The following GDAP1 variants were observed in gnomAD, a reference collection of about 807,000 sequenced individuals.
The protein encoded by GDAP1 is ganglioside-induced differentiation-associated protein 1.
A neutral mutation model predicts 40.1 loss-of-function variants in GDAP1; 34 were observed. The observed-to-expected ratio is 0.85, with a 90% confidence interval of 0.64 to 1.13. The LOEUF (loss-of-function observed/expected upper bound fraction) is 1.13, where lower values mean the gene tolerates loss of function less well. Among genes scored for constraint, GDAP1 ranks in the 50% most tolerant of loss-of-function variants. The pLI is 0.00. For synonymous variants in GDAP1, 170 were observed against 157.4 expected (o/e 1.08, Z -0.60); for missense variants, 374 against 433.7 (o/e 0.86, Z 1.22).
At chr8:74,374,123 G>T (rs1421457172) in intron 2 of GDAP1, among the ~76,000 whole-genome samples, 2 of 152,138 alleles carry the variant, frequency 1.3e-5, no homozygotes, top group Non-Finnish European at 2.9e-5. Context: ...GATCATGGTG[G>T]ATAAGCTTTT....
chr8:74,397,004 C>G (rs986915349), intron 2 of GDAP1, among the ~76,000 whole-genome samples: 12 of 152,170 alleles, frequency 7.9e-5, no homozygotes, highest in African/African-American at 2.7e-4. Context: ...TCTCCACATC[C>G]TCTCTAGCAC....
chr8:74,460,314 G>A (rs1806385535), intron 2 of GDAP1, among the ~76,000 whole-genome samples: 1 of 152,164 alleles, frequency 6.6e-6, no homozygotes, highest in Admixed American at 6.5e-5. Flanking sequence ...TCAATGAGAA[G>A]GGAATGTTCC....
At chr8:74,434,292 C>A (rs1806062324) in intron 2 of GDAP1, among the ~76,000 whole-genome samples, 1 of 152,184 alleles carries the variant, frequency 6.6e-6, no homozygotes, top group African/African-American at 2.4e-5. Context: ...GTGATCATTT[C>A]ATTATTCCTC....
intron 2 of GDAP1, among the ~76,000 whole-genome samples, chr8:74,385,971 C>T (rs1273292995): frequency 2.0e-5 from 3 of 152,118 alleles, no homozygotes; most frequent in African/African-American, 7.2e-5. Context: ...TGTTTATTGG[C>T]CGCATAAATG....
chr8:74,429,993 G>C (rs2131564322), intron 2 of GDAP1, among the ~76,000 whole-genome samples: 1 of 152,192 alleles, frequency 6.6e-6, no homozygotes, highest in Non-Finnish European at 1.5e-5. Context: ...TCCCAAAACA[G>C]GGAAGAGCAA....
chr8:74,380,651 G>A (rs1046464946), intron 2 of GDAP1, among the ~76,000 whole-genome samples: 5 of 152,038 alleles, frequency 3.3e-5, no homozygotes, highest in Non-Finnish European at 7.4e-5. Flanking sequence ...TAATCATTCC[G>A]TGAGTTTTTT....
At chr8:74,471,919 CTTAA>C (rs1020704398) in intron 2 of GDAP1, among the ~76,000 whole-genome samples, 1 of 152,094 alleles carries the variant, frequency 6.6e-6, no homozygotes, top group African/African-American at 2.4e-5. Flanking sequence ...TGTCCATTCA[CTTAA>C]TTAAATTAAT....
chr8:74,422,675 GAAGAA>G (rs1247684075), intron 2 of GDAP1, among the ~76,000 whole-genome samples: 1 of 151,844 alleles, frequency 6.6e-6, no homozygotes, highest in Non-Finnish European at 1.5e-5. Flanking sequence ...TCGAGACATT[GAAGAA>G]AAGAGGCCTT....
chr8:74,480,107 G>A (rs1439560125), intron 2 of GDAP1, among the ~76,000 whole-genome samples: 2 of 150,400 alleles, frequency 1.3e-5, no homozygotes, highest in East Asian at 3.9e-4. Context: ...TCCTGCTTTA[G>A]CCTCCCGAGT....
In GDAP1 at chr8:74,402,238, C is replaced by A. The variant is rs190935182; in HGVS notation, c.165+50917C>A. On this transcript the variant is annotated intron_variant, in intron 2 of 2. Coordinates refer to the GDAP1 transcript ENST00000523640. ...GGAGCTTCCCGGCTGCTTTGTTTAC[C>A]TAAGCAAGCCTGGGCAATGGCGGGC... Among the ~76,000 whole-genome samples, 671 of 150,652 alleles carry A rather than the reference C, an allele frequency of 4.5e-3. 75 individuals carry two copies. Among genetic ancestry groups the A allele is most frequent in the African/African-American group, 0.015 (591 of 39,924 alleles).
intron 2 of GDAP1, among the ~76,000 whole-genome samples, chr8:74,377,311 A>G (rs1362135533): frequency 6.6e-6 from 1 of 152,208 alleles, no homozygotes; most frequent in Non-Finnish European, 1.5e-5. Flanking sequence ...AAGGATGTAT[A>G]GTCGAAATAT....
chr8:74,469,216 C>G (rs1370851470), intron 2 of GDAP1, among the ~76,000 whole-genome samples: 1 of 151,978 alleles, frequency 6.6e-6, no homozygotes. Context: ...GAAGATTGGT[C>G]TGTAGTTTTT....
intron 2 of GDAP1, among the ~76,000 whole-genome samples, chr8:74,392,835 A>G (rs1810133437): frequency 6.6e-6 from 1 of 152,228 alleles, no homozygotes; most frequent in Admixed American, 6.5e-5. Flanking sequence ...TGGCAGAGCC[A>G]AAGGACAGAA....
At chr8:74,470,715 G>T (rs1053553790) in intron 2 of GDAP1, among the ~76,000 whole-genome samples, 14 of 152,256 alleles carry the variant, frequency 9.2e-5, no homozygotes, top group African/African-American at 2.6e-4. Context: ...AATAAACATA[G>T]GTATGCATGT....
chr8:74,426,593 C>G (rs994423964), intron 2 of GDAP1, among the ~76,000 whole-genome samples: 2 of 152,082 alleles, frequency 1.3e-5, no homozygotes, highest in African/African-American at 2.4e-5. Context: ...TGCTTTATTT[C>G]TGGAAGAAGT....
rs79392720 is a variant in GDAP1 at position 74,357,808 on chromosome 8, T to C, written c.311-2329T>C. Among the ~76,000 whole-genome samples, 1,126 of 152,306 alleles carry C rather than the reference T, an allele frequency of 7.4e-3. 1 individual carries two copies. Among genetic ancestry groups the C allele is most frequent in the Middle Eastern group, 0.017 (5 of 294 alleles). On this transcript the variant is annotated intron_variant, in intron 2 of 5. Coordinates refer to ENST00000220822, the MANE Select transcript of GDAP1 (RefSeq NM_018972.4). The stretch of plus-strand genomic sequence containing the variant: ...CCTTATGTTGCTTTCCCACTCCTGA[T>C]TGAGGTACATTACTGAGAAAAAAAT...
intron 2 of GDAP1, among the ~76,000 whole-genome samples, chr8:74,481,385 A>G (rs2128721617): frequency 6.6e-6 from 1 of 152,344 alleles, no homozygotes; most frequent in South Asian, 2.1e-4. Context: ...GTATATAGAC[A>G]ATATATCATT....
intron 2 of GDAP1, among the ~76,000 whole-genome samples, chr8:74,422,366 C>T (rs138390192): frequency 0.012 from 1,301 of 104,364 alleles, 53 homozygotes; most frequent in African/African-American, 0.034. Context: ...TCCTTCCTTC[C>T]TTCCTTCCTT....
At chr8:74,482,366 A>G (rs999409746) in intron 2 of GDAP1, among the ~76,000 whole-genome samples, 3 of 151,986 alleles carry the variant, frequency 2.0e-5, no homozygotes, top group Non-Finnish European at 2.9e-5. Flanking sequence ...TATCACCTCT[A>G]CTTCCTCTTC....
Sources: allele counts gnomAD v4.1 joint callset (sites outside exome capture counted in the v4.1 genomes callset), GRCh38; gene constraint gnomAD v4.1.1; transcripts MANE v1.5; gene names NCBI Gene and HGNC (gene_info 2026-07-23, HGNC 2026-07-21).